Variants in TONSL observed in about 807,000 individuals in gnomAD.
The protein encoded by TONSL is tonsoku like, DNA repair protein, also known as tonsoku-like protein.
In TONSL, 112 loss-of-function variants were observed where a neutral mutation model predicts 147.1. The observed-to-expected ratio is 0.76, with a 90% CI of 0.65 to 0.89. The LOEUF is 0.89. TONSL is among the 40% of genes least tolerant of loss of function. TONSL has a pLI of 0.00. For synonymous variants in TONSL, 868 were observed against 801.5 expected (o/e 1.08, Z -1.40); for missense variants, 1,883 against 1,864.6 (o/e 1.01, Z -0.18).
Position 144,433,649 on chromosome 8 carries a change from C to T in TONSL, c.3498G>A (p.Ala1166=), listed in dbSNP as rs550271349. ...CPLLSTLRLQ[A]CGFGPSFFLS... is the part of the protein sequence containing the mutation. The stretch of plus-strand genomic sequence containing the variant: ...GAAAGAAGCTGGGGCCGAAGCCACA[C>T]GCCTGCAGGCGCAGGGTGCTGAGTA... The change falls in exon 22 of 26, where the codon GCG becomes GCA. Residue 1166 remains alanine (A), a synonymous_variant. Transcript: ENST00000409379. The T allele has an allele frequency of 3.5e-5, 57 of 1,613,290 alleles. No homozygotes were observed. Among genetic ancestry groups the T allele is most frequent in the South Asian group, 3.4e-4 (31 of 91,078 alleles).
Position 144,440,472 on chromosome 8 carries a change from G to C in TONSL, c.1169C>G (p.Ala390Gly), listed in dbSNP as rs1823667652. The C allele has an allele frequency of 6.3e-7, 1 of 1,594,052 alleles. No individual in the cohort carries two copies. Among genetic ancestry groups the C allele is most frequent in the Non-Finnish European group, 8.6e-7 (1 of 1,167,458 alleles). Residue 390 changes from alanine (A) to glycine (G), a missense_variant, in exon 10 of 26, where the codon GCC (alanine) becomes GGC (glycine). Physicochemically the swap from Ala to Gly is moderately conservative, Grantham distance 60. Transcript: ENST00000409379. ...CAGTGCAATGTTCAGCCAGGTCTTGGCCTCCTGGAGCAGGAGGAAGGACAG... is the reference window on the plus strand; with the variant it reads ...CAGTGCAATGTTCAGCCAGGTCTTGCCCTCCTGGAGCAGGAGGAAGGACAG... ...RLRSGNVLEEAKTWLNIALSR... is the reference protein window; with the variant it reads ...RLRSGNVLEEGKTWLNIALSR...
At chr8:144,439,703 T>C in intron 11 of TONSL, 1 of 408,276 alleles carries the variant, frequency 2.4e-6, no homozygotes. Flanking sequence ...GCTCAGCTCT[T>C]GCAGAGGCAG....
chr8:144,443,006 C>T (rs1018732796), intron 4 of TONSL, 132 bp downstream of exon 4: 2 of 1,252,050 alleles, frequency 1.6e-6, no homozygotes, highest in Non-Finnish European at 2.2e-6. Flanking sequence ...GGGGCATGCA[C>T]CCCTCACACA....
In TONSL at chr8:144,431,130, G is replaced by C; in HGVS notation, c.3757C>G (p.Leu1253Val). ...LAKEGCALAH[L>V]TLSANHLGDK... ...CCCAGGTGGTTTGCAGACAGGGTCA[G>C]GTGGGCTAGAGCACAGCCTTCCTGG... Residue 1253 changes from leucine to valine, a missense_variant, in exon 24 of 26, where the codon CTG becomes GTG. By Grantham distance (32) the Leu-to-Val change is conservative. Transcript: ENST00000409379. 1 of 1,614,166 alleles carries C rather than the reference G, an allele frequency of 6.2e-7. No homozygotes were observed. Among genetic ancestry groups the C allele is most frequent in the Non-Finnish European group, 8.5e-7 (1 of 1,179,996 alleles).
chr8:144,443,192 G>A lies in TONSL; in HGVS notation c.394C>T (p.Gln132Ter), dbSNP rs755157370. ...DHCQSRDALL[Q>*]AQAAFEKSLA... is the part of the protein sequence containing the mutation. Reference sequence around the variant, plus strand: ...CTCTTCTCAAAGGCAGCCTGTGCCTGCAGCAAAGCATCCCTCGACTGGCAG... The same window carrying A: ...CTCTTCTCAAAGGCAGCCTGTGCCTACAGCAAAGCATCCCTCGACTGGCAG... The change falls in exon 4 of 26, where the codon CAG becomes TAG. Residue 132 changes from glutamine to a stop codon, truncating the protein, a stop_gained. Coordinates refer to ENST00000409379, the MANE Select transcript of TONSL (RefSeq NM_013432.5). LOFTEE classifies it high-confidence loss of function. The A allele has an allele frequency of 3.2e-6, 5 of 1,550,796 alleles. No homozygotes were observed. Among genetic ancestry groups the A allele is most frequent in the Non-Finnish European group, 4.4e-6 (5 of 1,146,986 alleles).
chr8:144,436,806 G>T lies in TONSL; in HGVS notation c.1841C>A (p.Ala614Asp). The T allele has an allele frequency of 6.2e-7, 1 of 1,611,448 alleles. No homozygotes were observed. The highest frequency in any genetic ancestry group is 8.5e-7 in the Non-Finnish European group (1 of 1,179,906). Residue 614 changes from alanine (A) to aspartate (D), a missense_variant, in exon 15 of 26, where the codon GCT (alanine) becomes GAT (aspartate). Transcript: ENST00000409379. ...CGCCCCCCGTTCAAGCAGCAGCTCAGCCACCTCGAAGTGGCCACAGTTGAG... is the reference window on the plus strand; with the variant it reads ...CGCCCCCCGTTCAAGCAGCAGCTCATCCACCTCGAAGTGGCCACAGTTGAG... ...DALNCGHFEV[A>D]ELLLERGASV...
At chr8:144,429,709 G>A (rs992096895) in intron 25 of TONSL, among the ~76,000 whole-genome samples, 1 of 152,228 alleles carries the variant, frequency 6.6e-6, no homozygotes, top group Non-Finnish European at 1.5e-5. Flanking sequence ...AGCTGGGTGG[G>A]AAGGTACAGA....
intron 4 of TONSL, 83 bp downstream of exon 4, chr8:144,443,055 C>T: frequency 6.8e-7 from 1 of 1,465,604 alleles, no homozygotes; most frequent in Non-Finnish European, 9.2e-7. Flanking sequence ...GACGGGATTG[C>T]CCAAGGAGGC....
In TONSL at chr8:144,438,644, T is replaced by C. The variant is rs1823571216; in HGVS notation, c.1563+9A>G. On this transcript the variant is annotated intron_variant, in intron 12 of 25. Coordinates refer to ENST00000409379, the MANE Select transcript of TONSL (RefSeq NM_013432.5). ...AGCGGGGTGGGTGGGGGCAGGGCAC[T>C]GTCCTCACCTTGCTCCCCTTCCGCC... is the stretch of plus-strand genomic sequence containing the variant. 1 of 1,612,806 alleles carries C rather than the reference T, an allele frequency of 6.2e-7. No homozygotes were observed. Among genetic ancestry groups the C allele is most frequent in the Non-Finnish European group, 8.5e-7 (1 of 1,179,906 alleles).
In TONSL at chr8:144,429,134, G is replaced by T. The variant is rs1554877891; in HGVS notation, c.*9C>A. ...GCTTCGGTGAGGGTGGGGAAAGGCA[G>T]CGCCAGGGTCAGAGGCGCCGAAAGA... On this transcript the variant is annotated 3_prime_UTR_variant, in exon 26 of 26. Transcript: ENST00000409379. 2 of 1,517,016 alleles carry T rather than the reference G, an allele frequency of 1.3e-6. No homozygotes were observed. The highest frequency in any genetic ancestry group is 8.8e-7 in the Non-Finnish European group (1 of 1,137,750). 94.0% of individuals were successfully genotyped at this position (1,517,016 alleles called of 1,614,324 possible).
rs773284226 is a variant in TONSL at position 144,436,949 on chromosome 8, C to T, written c.1727-29G>A. 17 of 1,611,104 alleles carry T rather than the reference C, an allele frequency of 1.1e-5. No individual in the cohort carries two copies. The East Asian group carries it at 1.6e-4, about 15-fold the overall frequency. ...CAGACCAGGAGACGTAAGCCCAGCT[C>T]CCGATGCCCCGCCAGGACTGACTCT... On this transcript the variant is annotated intron_variant, in intron 14 of 25. Coordinates refer to ENST00000409379, the MANE Select transcript of TONSL (RefSeq NM_013432.5).
Position 144,433,727 on chromosome 8 carries a change from G to A in TONSL, c.3420C>T (p.Pro1140=), listed in dbSNP as rs781852678. ...SLEELDLSMN[P]LGDGCGQSLA... is the part of the protein sequence containing the mutation. ...GGGACTGGCCACAGCCGTCCCCCAG[G>A]GGGTTCATGCTTAAGTCCAGCTCCT... Residue 1140 remains proline, a synonymous_variant, in exon 22 of 26, where the codon CCC becomes CCT. Transcript: ENST00000409379. The A allele has an allele frequency of 1.5e-5, 24 of 1,601,378 alleles. No individual in the cohort carries two copies. The highest frequency in any genetic ancestry group is 1.8e-5 in the Non-Finnish European group (21 of 1,174,608).
chr8:144,438,866 G>A (rs923585512), intron 11 of TONSL, 131 bp from the exon 12 acceptor site: 43 of 939,462 alleles, frequency 4.6e-5, no homozygotes, highest in Admixed American at 2.7e-4. Flanking sequence ...CTCTGAGGCT[G>A]CTGGGCTCTG....
chr8:144,440,806 G>T lies in TONSL; in HGVS notation c.1076C>A (p.Ala359Asp), dbSNP rs1823687274. The change falls in exon 9 of 26, where the codon GCC becomes GAC. Residue 359 changes from alanine to aspartate, a missense_variant. Coordinates refer to ENST00000409379, the MANE Select transcript of TONSL (RefSeq NM_013432.5). ...GTCCTTCATGTCTCCCAGTGTGGTG[G>T]CCAGGGACACGTGGATGATGGCCCG... ...AERAIIHVSL[A>D]TTLGDMKDHH... The T allele has an allele frequency of 4.3e-6, 7 of 1,612,952 alleles. No homozygotes were observed. Among genetic ancestry groups the T allele is most frequent in the Non-Finnish European group, 5.9e-6 (7 of 1,179,984 alleles).
intron 25 of TONSL, 38 bp from the exon 26 acceptor site, chr8:144,429,374 G>A: frequency 7.3e-7 from 1 of 1,362,576 alleles, no homozygotes; most frequent in African/African-American, 1.5e-5. Context: ...GCGCTGCGGG[G>A]GCCGGCGGCG....
chr8:144,441,116 C>A lies in TONSL; in HGVS notation c.866-5G>T. On this transcript the variant is annotated splice_polypyrimidine_tract_variant and splice_region_variant and intron_variant, in intron 7 of 25. Coordinates refer to ENST00000409379, the MANE Select transcript of TONSL (RefSeq NM_013432.5). The stretch of plus-strand genomic sequence containing the variant: ...GCAGCCGGACCACTGCCAGCACTGC[C>A]GGGAAGAGGTTCATGCAGGGGGGCA... 6.2e-7 allele frequency: 1 copy of A among 1,612,494 alleles called. No homozygotes were observed. The highest frequency in any genetic ancestry group is 1.1e-5 in the South Asian group (1 of 91,078).
At position 144,438,725 on chromosome 8, in the gene TONSL, G is replaced by T; in HGVS notation, c.1491C>A (p.Thr497=). The T allele has an allele frequency of 6.2e-7, 1 of 1,613,064 alleles. No homozygotes were observed. The highest frequency in any genetic ancestry group is 8.5e-7 in the Non-Finnish European group (1 of 1,179,884). Residue 497 remains threonine (T), a synonymous_variant, in exon 12 of 26, where the codon ACC becomes ACA. Transcript: ENST00000409379. ...EVELSEGEDD[T]DGLTPQLEED... ...CCTCCAGCTGCGGGGTCAGGCCATC[G>T]GTGTCGTCCTCTGGAACAGAGCCAA...
rs778085321 is a variant in TONSL at position 144,435,945 on chromosome 8, A to C, written c.2488T>G (p.Cys830Gly). 6.4e-7 allele frequency: 1 copy of C among 1,563,446 alleles called. No individual in the cohort carries two copies. Among genetic ancestry groups the C allele is most frequent in the East Asian group, 2.3e-5 (1 of 44,100 alleles). Residue 830 changes from cysteine to glycine, a missense_variant, in exon 17 of 26, where the codon TGC becomes GGC. By Grantham distance (159) the Cys-to-Gly change is radical. Transcript: ENST00000409379. ...AGCTCCAGCCAGTCCCCGGCCAGGCACTCCTCCTCCGGGATGAGCGCTGCC... is the reference window on the plus strand; with the variant it reads ...AGCTCCAGCCAGTCCCCGGCCAGGCCCTCCTCCTCCGGGATGAGCGCTGCC... ...PQAALIPEEECLAGDWLELDM... is the reference protein window; with the variant it reads ...PQAALIPEEEGLAGDWLELDM...
rs922469809 is a variant in TONSL, at chr8:144,440,421, T to C, written c.1220A>G (p.Tyr407Cys). ...CTGGAAGCACGGGGCCAGCAGCTCG[T>C]AGGCATCGCCGGCCTCCTCGCGGGA... is the stretch of plus-strand genomic sequence containing the variant. Reference protein sequence around the residue: ...ALSREEAGDAYELLAPCFQKA... With the variant: ...ALSREEAGDACELLAPCFQKA... Residue 407 changes from tyrosine to cysteine, a missense_variant, in exon 10 of 26, where the codon TAC becomes TGC. By Grantham distance (194) the Tyr-to-Cys change is radical. Coordinates refer to ENST00000409379, the MANE Select transcript of TONSL (RefSeq NM_013432.5). 56 of 1,608,774 alleles carry C rather than the reference T, an allele frequency of 3.5e-5. No homozygotes were observed. The highest frequency in any genetic ancestry group is 4.8e-5 in the Non-Finnish European group (56 of 1,177,342).
Sources: allele counts gnomAD v4.1 joint callset (sites outside exome capture counted in the v4.1 genomes callset), GRCh38; gene constraint gnomAD v4.1.1; transcripts MANE v1.5; gene names NCBI Gene and HGNC (gene_info 2026-07-23, HGNC 2026-07-21).